Variants in CEP95 observed in about 807,000 individuals in gnomAD.
CEP95 encodes centrosomal protein 95, also known as centrosomal protein of 95 kDa.
Under a neutral mutation model 111.2 loss-of-function variants are expected in CEP95, and 98 were observed. That is an observed-to-expected ratio of 0.88 (90% CI 0.75 to 1.04). CEP95 has a LOEUF of 1.04. Ranked by LOEUF, CEP95 falls within the 50% of genes least tolerant of loss-of-function variation. CEP95 has a pLI of 0.00. For synonymous variants in CEP95, 323 were observed against 327.1 expected, an observed-to-expected ratio of 0.99 and a Z score of 0.14; for missense variants, 1,027 against 977.2, an observed-to-expected ratio of 1.05 and a Z score of -0.68.
intron 1 of CEP95, chr17:64,507,564 G>C (rs1433835932): frequency 9.7e-7 from 1 of 1,034,652 alleles, no homozygotes; most frequent in Non-Finnish European, 1.2e-6. Flanking sequence ...CTGTAGAATA[G>C]TTGTGCTTTT....
chr17:64,519,307 G>C lies in CEP95; in HGVS notation c.474-14G>C. The C allele has an allele frequency of 6.2e-7, 1 of 1,602,888 alleles. No individual in the cohort carries two copies. The highest frequency in any genetic ancestry group is 8.5e-7 in the Non-Finnish European group (1 of 1,169,892). On this transcript the variant is annotated splice_polypyrimidine_tract_variant and intron_variant, in intron 5 of 19. Transcript: ENST00000556440. ...GTCAGGCTGGGCCCTGAGTGAAGGA[G>C]GGAACTTTTCCAGGTGCTCCTTGTC... is the stretch of plus-strand genomic sequence containing the variant.
At chr17:64,527,853 TGTG>T (rs1399125029) in intron 11 of CEP95, among the ~76,000 whole-genome samples, 2 of 94,342 alleles carry the variant, frequency 2.1e-5, no homozygotes, top group Non-Finnish European at 3.6e-5. Flanking sequence ...TGCCACTTAA[TGTG>T]TGTGTGTGTG....
intron 10 of CEP95, 165 bp from the exon 11 acceptor site, chr17:64,526,946 T>G: frequency 2.0e-6 from 1 of 501,896 alleles, no homozygotes; most frequent in Non-Finnish European, 3.5e-6. Flanking sequence ...GGTGACAGAG[T>G]GAGATCCTGT....
At chr17:64,514,408 C>A in intron 4 of CEP95, 50 bp downstream of exon 4, 1 of 785,184 alleles carries the variant, frequency 1.3e-6, no homozygotes, top group Admixed American at 2.2e-5. Flanking sequence ...ATGATGTGTC[C>A]CTTTTGCCTT....
chr17:64,511,503 C>T (rs1264475962), intron 3 of CEP95, among the ~76,000 whole-genome samples: 2 of 152,226 alleles, frequency 1.3e-5, no homozygotes, highest in African/African-American at 4.8e-5. Flanking sequence ...CCGCCCGGCT[C>T]ACCAACGGAC....
chr17:64,535,710 T>G (rs1968605412), intron 17 of CEP95: 1 of 152,156 alleles, frequency 6.6e-6, no homozygotes, highest in Admixed American at 6.5e-5. Flanking sequence ...CATATAGAGT[T>G]ACCCTATGAC....
chr17:64,536,389 C>A, intron 17 of CEP95: 1 of 332,888 alleles, frequency 3.0e-6, no homozygotes. Context: ...GTCAAGGCTG[C>A]AGTGAGTTGT....
intron 4 of CEP95, chr17:64,516,067 A>G (rs782367342): frequency 3.3e-5 from 5 of 152,190 alleles, no homozygotes; most frequent in Admixed American, 6.5e-5. Flanking sequence ...ATGCATAATA[A>G]ATGTTAATTG....
At chr17:64,534,498 G>T (rs1287182152) in intron 16 of CEP95, 87 bp from the exon 17 acceptor site, 11 of 1,222,670 alleles carry the variant, frequency 9.0e-6, no homozygotes, top group Middle Eastern at 2.0e-4. Context: ...TGAAGACATC[G>T]TGATGGGGAG....
At chr17:64,518,637 A>G (rs1967061385) in intron 5 of CEP95, among the ~76,000 whole-genome samples, 1 of 152,276 alleles carries the variant, frequency 6.6e-6, no homozygotes, top group Non-Finnish European at 1.5e-5. Context: ...TTTTAGGTAT[A>G]GTACATTGTA....
At position 64,508,476 on chromosome 17, in the gene CEP95, T is replaced by C. The variant is rs573619331; in HGVS notation, c.20-116T>C. ...TCTCTAACAATCAAATTCCTTATCT[T>C]CTGCAAAGTTCAGTGTCTGTTTTTG... is the stretch of plus-strand genomic sequence containing the variant. On this transcript the variant is annotated intron_variant, in intron 1 of 19. Transcript: ENST00000556440. The C allele has an allele frequency of 1.4e-5, 17 of 1,194,846 alleles. No homozygotes were observed. The African/African-American group carries it at 1.9e-4, about 13-fold the overall frequency. The allele number at this position is 1,194,846 out of a possible 1,614,324, so 74.0% of individuals were successfully genotyped here. A position where few individuals can be genotyped will look rare whatever the true frequency, so the allele number is the denominator to read the frequency against.
chr17:64,517,340 C>G (rs576182945), intron 5 of CEP95, among the ~76,000 whole-genome samples: 6 of 152,264 alleles, frequency 3.9e-5, no homozygotes, highest in Admixed American at 3.3e-4. Context: ...AGCCACCGCG[C>G]CTGGTCCCTG....
At chr17:64,530,651 G>A (rs1968208645) in intron 12 of CEP95, among the ~76,000 whole-genome samples, 1 of 152,040 alleles carries the variant, frequency 6.6e-6, no homozygotes, top group African/African-American at 2.4e-5. Context: ...TGGGATTACA[G>A]GCATGTGCCA....
intron 6 of CEP95, 22 bp from the exon 7 acceptor site, chr17:64,521,380 C>T (rs1967324748): frequency 1.3e-6 from 2 of 1,580,054 alleles, no homozygotes; most frequent in Non-Finnish European, 1.7e-6. Flanking sequence ...AAAAATTTTA[C>T]CTTTAATATT....
At position 64,522,743 on chromosome 17, in the gene CEP95, C is replaced by G. The variant is rs531625047; in HGVS notation, c.757C>G (p.Leu253Val). The G allele has an allele frequency of 7.4e-6, 12 of 1,613,704 alleles. No individual in the cohort carries two copies. In the South Asian group the frequency reaches 9.9e-5, roughly 13 times the overall value. ...GAGTGGGATTCCAAATGCTAGGAAG[C>G]TAGGGGAGCCTATCCGAGCAGCTAT... is the stretch of plus-strand genomic sequence containing the variant. ...SVSGIPNARK[L>V]GEPIRAAIPL... Residue 253 changes from leucine (L) to valine (V), a missense_variant, in exon 8 of 20, where the codon CTA (leucine) becomes GTA (valine). Coordinates refer to ENST00000556440, the MANE Select transcript of CEP95 (RefSeq NM_138363.3).
In CEP95 at chr17:64,534,606, C is replaced by A; in HGVS notation, c.1939C>A (p.Arg647Ser). 1.9e-6 allele frequency: 3 copies of A among 1,613,612 alleles called. No individual in the cohort carries two copies. Among genetic ancestry groups the A allele is most frequent in the Non-Finnish European group, 2.5e-6 (3 of 1,179,682 alleles). Residue 647 changes from arginine to serine, a missense_variant, in exon 17 of 20, where the codon CGT becomes AGT. Transcript: ENST00000556440. The stretch of plus-strand genomic sequence containing the variant: ...TTAGCAAGACTTCAAGGACTGCATT[C>A]GTAGGCAAAGGTTGACCCAATCAAA... ...KRLQDFKDCI[R>S]RQRLTQSKIK...
At chr17:64,519,290 G>C (rs781783570) in intron 5 of CEP95, 31 bp from the exon 6 acceptor site, 1 of 1,505,290 alleles carries the variant, frequency 6.6e-7, no homozygotes, top group Admixed American at 1.7e-5. Context: ...TGGTCAGGCT[G>C]GGCCCTGAGT....
At chr17:64,517,356 C>T (rs1365819587) in intron 5 of CEP95, among the ~76,000 whole-genome samples, 1 of 152,100 alleles carries the variant, frequency 6.6e-6, no homozygotes, top group Non-Finnish European at 1.5e-5. Context: ...CCCTGTTTTT[C>T]TCTTAATCAT....
rs1230428188 is a variant in CEP95 at position 64,529,347 on chromosome 17, A to G, written c.1366A>G (p.Asn456Asp). 1.9e-6 allele frequency: 3 copies of G among 1,613,692 alleles called. No homozygotes were observed. In the Admixed American group the frequency reaches 5.0e-5, roughly 27 times the overall value. Residue 456 changes from asparagine to aspartate, a missense_variant, in exon 12 of 20, where the codon AAC becomes GAC. Transcript: ENST00000556440. ...CCATTCGCTCTCTCCATCTCCAGTT[A>G]ACAAACACAAACAGTTCCACTTGGA... is the stretch of plus-strand genomic sequence containing the variant. The part of the protein sequence containing the change: ...RSHSLSPSPV[N>D]KHKQFHLERK...
Sources: allele counts gnomAD v4.1 joint callset (sites outside exome capture counted in the v4.1 genomes callset), GRCh38; gene constraint gnomAD v4.1.1; transcripts MANE v1.5; gene names NCBI Gene and HGNC (gene_info 2026-07-23, HGNC 2026-07-21).